Variants in METAP2 observed in about 807,000 individuals in gnomAD.
METAP2 encodes the protein methionine aminopeptidase 2.
METAP2 carries 25 observed loss-of-function variants against 59.4 expected under a neutral mutation model. That is an observed-to-expected ratio of 0.42 (90% CI 0.31 to 0.59). METAP2 has a LOEUF of 0.59. METAP2 is among the 20% of genes least tolerant of loss of function. The probability of loss-of-function intolerance (pLI) is 0.16; values close to 1 mark genes in which losing one functional copy is unlikely to be tolerated. For synonymous variants in METAP2, 214 were observed against 194.1 expected (o/e 1.10, Z -0.85); for missense variants, 366 against 581.2 (o/e 0.63, Z 3.81).
At chr12:95,475,626 G>T (rs1033381027) in intron 1 of METAP2, among the ~76,000 whole-genome samples, 4 of 152,158 alleles carry the variant, frequency 2.6e-5, no homozygotes, top group African/African-American at 9.7e-5. Flanking sequence ...GTAATGGACT[G>T]TCTTTGCCTA....
intron 4 of METAP2, among the ~76,000 whole-genome samples, chr12:95,492,132 T>TGTGTGTGTG (rs1555191428): frequency 0.056 from 8,392 of 149,384 alleles, 300 homozygotes; most frequent in African/African-American, 0.095. Context: ...ATATGTGTGT[T>TGTGTGTGTG]TGTGTGTGTG....
intron 4 of METAP2, among the ~76,000 whole-genome samples, chr12:95,492,036 G>A (rs2076241198): frequency 6.6e-6 from 1 of 152,008 alleles, no homozygotes; most frequent in South Asian, 2.1e-4. Flanking sequence ...TTGAACTTCT[G>A]GGCTCAAACA....
At chr12:95,510,378 G>A (rs1229476851) in intron 8 of METAP2, among the ~76,000 whole-genome samples, 4 of 152,204 alleles carry the variant, frequency 2.6e-5, no homozygotes, top group Non-Finnish European at 5.9e-5. Context: ...AGGCTGGGAA[G>A]ATTGAGGGAC....
At chr12:95,478,368 C>T (rs533509740) in intron 2 of METAP2, among the ~76,000 whole-genome samples, 5 of 152,274 alleles carry the variant, frequency 3.3e-5, no homozygotes, top group Non-Finnish European at 7.3e-5. Flanking sequence ...TGTTAGCTCT[C>T]GCCTGTAATC....
At position 95,482,616 on chromosome 12, in the gene METAP2, T is replaced by TA. The variant is rs55652210; in HGVS notation, c.260-579dup. On this transcript the variant is annotated intron_variant, in intron 2 of 10. Coordinates refer to ENST00000323666, the MANE Select transcript of METAP2 (RefSeq NM_006838.4). ...CAACATGGCGAAACTCCATCTCTAC[T>TA]AAAAAAAAAAAAAAAAAAAATTAGA... Among the ~76,000 whole-genome samples, 531 of 130,100 alleles carry TA rather than the reference T, an allele frequency of 4.1e-3. 1 individual carries two copies. Among genetic ancestry groups the TA allele is most frequent in the African/African-American group, 0.011 (399 of 34,882 alleles). 85.4% of individuals were successfully genotyped at this position (130,100 alleles called of 152,430 possible). A position where few individuals can be genotyped will look rare whatever the true frequency, so the allele number is the denominator to read the frequency against.
At chr12:95,489,354 GGAA>G in intron 4 of METAP2, among the ~76,000 whole-genome samples, 1 of 152,020 alleles carries the variant, frequency 6.6e-6, no homozygotes, top group Non-Finnish European at 1.5e-5. Flanking sequence ...AAATAATAGA[GGAA>G]GATATTAATT....
At chr12:95,507,940 ATT>A (rs372529582) in intron 8 of METAP2, among the ~76,000 whole-genome samples, 44 of 130,200 alleles carry the variant, frequency 3.4e-4, no homozygotes, top group Admixed American at 4.6e-4. Context: ...ACGCCCAGCA[ATT>A]TTTTTTTTTT....
intron 9 of METAP2, 47 bp from the exon 10 acceptor site, chr12:95,512,754 C>T (rs763201494): frequency 2.0e-6 from 2 of 1,024,608 alleles, no homozygotes; most frequent in East Asian, 4.8e-5. Context: ...GTGATTCGTT[C>T]TGAATTTTTC....
intron 1 of METAP2, among the ~76,000 whole-genome samples, chr12:95,474,848 G>C (rs1418608101): frequency 6.6e-6 from 1 of 152,086 alleles, no homozygotes; most frequent in South Asian, 2.1e-4. Flanking sequence ...GCACTTTTGG[G>C]GTGTGTGTAC....
At position 95,474,184 on chromosome 12, in the gene METAP2, C is replaced by T; in HGVS notation, c.5C>T (p.Ala2Val). The change falls in exon 1 of 11, where the codon GCG becomes GTG. Residue 2 changes from alanine (A) to valine (V), a missense_variant. Physicochemically the swap from Ala to Val is moderately conservative, Grantham distance 64 (BLOSUM62 0). Around this residue, in one of 4 missense-constraint regions of METAP2, gnomAD observed 177 missense variants for 180.3 expected, o/e 0.98. Coordinates refer to ENST00000323666, the MANE Select transcript of METAP2 (RefSeq NM_006838.4). M[A>V]GVEEVAASGS... is the part of the protein sequence containing the mutation. The stretch of plus-strand genomic sequence containing the variant: ...CCTCGCGCTCTCTCGGGCAACATGG[C>T]GGGTGTGGAGGAGGTAGCGGCCTCC... 6.2e-7 allele frequency: 1 copy of T among 1,613,432 alleles called. No individual in the cohort carries two copies. Among genetic ancestry groups the T allele is most frequent in the Non-Finnish European group, 8.5e-7 (1 of 1,179,612 alleles).
At chr12:95,482,576 C>T (rs909653133) in intron 2 of METAP2, among the ~76,000 whole-genome samples, 3 of 148,172 alleles carry the variant, frequency 2.0e-5, no homozygotes, top group East Asian at 2.0e-4. Flanking sequence ...GTCAGGAGTT[C>T]GAGACCAGCC....
At chr12:95,484,648 T>C (rs2076182513) in intron 3 of METAP2, 3 of 288,912 alleles carry the variant, frequency 1.0e-5, no homozygotes, top group South Asian at 3.2e-5. Flanking sequence ...CATTAACATT[T>C]GTTCTGCTTC....
At chr12:95,511,471 A>G (rs2076402501) in intron 8 of METAP2, among the ~76,000 whole-genome samples, 1 of 138,226 alleles carries the variant, frequency 7.2e-6, no homozygotes, top group Non-Finnish European at 1.5e-5. Context: ...GGCTCACGGC[A>G]ACCTCCGCTT....
At chr12:95,505,297 C>G (rs2076349887) in intron 8 of METAP2, among the ~76,000 whole-genome samples, 1 of 152,212 alleles carries the variant, frequency 6.6e-6, no homozygotes, top group African/African-American at 2.4e-5. Flanking sequence ...TAACAGTCCT[C>G]TTTCATGTCT....
At chr12:95,491,499 A>C (rs940879195) in intron 4 of METAP2, among the ~76,000 whole-genome samples, 2 of 152,162 alleles carry the variant, frequency 1.3e-5, no homozygotes, top group Non-Finnish European at 2.9e-5. Flanking sequence ...TGATACATGC[A>C]TACATTTTAA....
At position 95,494,237 on chromosome 12, in the gene METAP2, G is replaced by C. The variant is rs200617355; in HGVS notation, c.590+20G>C. 2 of 1,600,812 alleles carry C rather than the reference G, an allele frequency of 1.2e-6. No individual in the cohort carries two copies. Among genetic ancestry groups the C allele is most frequent in the Non-Finnish European group, 1.7e-6 (2 of 1,171,738 alleles). On this transcript the variant is annotated intron_variant, in intron 5 of 10. Coordinates refer to ENST00000323666, the MANE Select transcript of METAP2 (RefSeq NM_006838.4). ...AATCTGGTAAAAGGAATACTTCTTC[G>C]TAAGAACATGATAAAAAATGTTTTA... is the stretch of plus-strand genomic sequence containing the variant.
intron 8 of METAP2, among the ~76,000 whole-genome samples, chr12:95,505,679 G>A (rs906635427): frequency 1.3e-5 from 2 of 151,966 alleles, no homozygotes; most frequent in African/African-American, 4.8e-5. Flanking sequence ...ATTTTTAGTA[G>A]AGGCGGGGTT....
intron 7 of METAP2, among the ~76,000 whole-genome samples, chr12:95,497,753 T>G (rs2076285547): frequency 1.3e-5 from 2 of 152,162 alleles, no homozygotes; most frequent in African/African-American, 4.8e-5. Flanking sequence ...TTCTGGGTAG[T>G]TTTTGTTTGT....
At chr12:95,479,317 G>C (rs1228348320) in intron 2 of METAP2, among the ~76,000 whole-genome samples, 4 of 152,192 alleles carry the variant, frequency 2.6e-5, no homozygotes, top group African/African-American at 9.7e-5. Flanking sequence ...CTTGCATTCT[G>C]GGAGCAGGAG....
Sources: gnomAD v4.1 joint callset for allele counts (sites outside exome capture counted in the v4.1 genomes callset) on GRCh38, gnomAD v4.1.1 for gene constraint, gnomAD v4.1.1 regional missense constraint, MANE v1.5 for transcripts, NCBI Gene and HGNC (gene_info 2026-07-23, HGNC 2026-07-21) for gene names.